Variants in GRM1 observed in about 807,000 individuals in gnomAD.
The protein encoded by GRM1 is metabotropic glutamate receptor 1.
A neutral mutation model predicts 90.9 loss-of-function variants in GRM1; 33 were observed. The observed-to-expected ratio is 0.36, with a 90% CI of 0.28 to 0.49. GRM1 has a LOEUF of 0.49. GRM1 is among the 20% of genes least tolerant of loss of function. GRM1 has a pLI of 0.99. For missense variants in GRM1, 1,190 were observed against 1,534.3 expected (o/e 0.78, Z 3.75); for synonymous variants, 700 against 613.2 (o/e 1.14, Z -2.09).
chr6:146,051,778 T>C (rs987695537), intron 1 of GRM1, among the ~76,000 whole-genome samples: 1 of 152,076 alleles, frequency 6.6e-6, no homozygotes, highest in African/African-American at 2.4e-5. Context: ...TTTCCTGAAG[T>C]TTCCTGAGAA....
chr6:146,135,311 A>G (rs1236002248), intron 1 of GRM1, among the ~76,000 whole-genome samples: 1 of 152,190 alleles, frequency 6.6e-6, no homozygotes, highest in Non-Finnish European at 1.5e-5. Flanking sequence ...CCATTCTGCA[A>G]TGCTATCTCT....
At chr6:146,071,053 T>C (rs1432369547) in intron 1 of GRM1, among the ~76,000 whole-genome samples, 3 of 152,212 alleles carry the variant, frequency 2.0e-5, no homozygotes, top group Non-Finnish European at 4.4e-5. Context: ...CTCTTCCAAA[T>C]TTGCGAGTCA....
At chr6:146,160,074 C>T in intron 2 of GRM1, among the ~76,000 whole-genome samples, 1 of 151,704 alleles carries the variant, frequency 6.6e-6, no homozygotes, top group East Asian at 1.9e-4. Flanking sequence ...TTTCTCCACA[C>T]CCAAGCCGAT....
At chr6:146,244,115 A>T (rs1443783802) in intron 2 of GRM1, among the ~76,000 whole-genome samples, 1 of 152,120 alleles carries the variant, frequency 6.6e-6, no homozygotes, top group Non-Finnish European at 1.5e-5. Context: ...TTAAACACAC[A>T]TGAGTTATGA....
At chr6:146,361,378 A>G (rs1775463819) in intron 5 of GRM1, among the ~76,000 whole-genome samples, 1 of 152,254 alleles carries the variant, frequency 6.6e-6, no homozygotes, top group Non-Finnish European at 1.5e-5. Flanking sequence ...GTCTGGGGCA[A>G]CAGATAAAAT....
chr6:146,436,806 A>C lies in GRM1; in HGVS notation c.*2010A>C, dbSNP rs1352859479. On this transcript the variant is annotated 3_prime_UTR_variant, in exon 8 of 8. Transcript: ENST00000282753. Reference sequence around the variant, plus strand: ...AGTCATATTTTAATATGCTTCCTTCATATTGAAGCTGCTGATTTCTCAGCC... The same window carrying C: ...AGTCATATTTTAATATGCTTCCTTCCTATTGAAGCTGCTGATTTCTCAGCC... The C allele has an allele frequency of 6.6e-6, 1 of 152,546 alleles. No individual in the cohort carries two copies. Among genetic ancestry groups the C allele is most frequent in the Non-Finnish European group, 1.5e-5 (1 of 68,002 alleles). The allele number at this position is 152,546 out of a possible 1,614,324, so 9.4% of individuals were successfully genotyped here.
chr6:146,057,349 G>T (rs1253611176), intron 1 of GRM1, among the ~76,000 whole-genome samples: 1 of 152,130 alleles, frequency 6.6e-6, no homozygotes, highest in East Asian at 1.9e-4. Flanking sequence ...ACTATCCCCA[G>T]TGTAGCGGAA....
intron 7 of GRM1, chr6:146,426,681 C>T: frequency 1.0e-6 from 1 of 969,150 alleles, no homozygotes; most frequent in Non-Finnish European, 1.6e-6. Flanking sequence ...TGTTTTGCCC[C>T]TTGCTTTCTC....
At chr6:146,117,908 G>A (rs1775817670) in intron 1 of GRM1, among the ~76,000 whole-genome samples, 1 of 151,840 alleles carries the variant, frequency 6.6e-6, no homozygotes, top group South Asian at 2.1e-4. Flanking sequence ...ATTTTAACAT[G>A]TAACTACTTA....
At chr6:146,146,562 T>C (rs1777114799) in intron 1 of GRM1, among the ~76,000 whole-genome samples, 1 of 152,132 alleles carries the variant, frequency 6.6e-6, no homozygotes, top group African/African-American at 2.4e-5. Flanking sequence ...GGAATGTTAT[T>C]GTTTGAACAT....
chr6:146,255,887 A>G (rs1435255167), intron 2 of GRM1, among the ~76,000 whole-genome samples: 1 of 152,026 alleles, frequency 6.6e-6, no homozygotes, highest in Non-Finnish European at 1.5e-5. Flanking sequence ...TTCACTCTTC[A>G]ATCTACTAAA....
chr6:146,351,627 G>A (rs985946637), intron 3 of GRM1, among the ~76,000 whole-genome samples: 1 of 152,132 alleles, frequency 6.6e-6, no homozygotes, highest in Non-Finnish European at 1.5e-5. Context: ...TTAATGTGTA[G>A]TGTGACTCTT....
At chr6:146,323,533 C>T (rs912047841) in intron 3 of GRM1, among the ~76,000 whole-genome samples, 3 of 152,208 alleles carry the variant, frequency 2.0e-5, no homozygotes, top group Admixed American at 6.5e-5. Flanking sequence ...TTCTCCCATT[C>T]TGTAGGTTGC....
At chr6:146,034,607 A>C (rs889718598) in intron 1 of GRM1, among the ~76,000 whole-genome samples, 3 of 151,926 alleles carry the variant, frequency 2.0e-5, no homozygotes, top group African/African-American at 7.2e-5. Context: ...TGTTTAATTT[A>C]TCTTAGTATT....
chr6:146,051,990 T>C lies in GRM1; in HGVS notation c.700+21773T>C, dbSNP rs117859321. On this transcript the variant is annotated intron_variant, in intron 1 of 7. Transcript: ENST00000282753. ...GAAACCAGATATTTGTAATGCTGCT[T>C]GTAACTTTCTCGAGAGTAGGATATA... is the stretch of plus-strand genomic sequence containing the variant. 9.7e-3 allele frequency among the ~76,000 whole-genome samples: 1,478 copies of C among 152,192 alleles called. 9 individuals are homozygous for C. The highest frequency in any genetic ancestry group is 0.019 in the Admixed American group (288 of 15,262).
chr6:146,291,500 G>A lies in GRM1; in HGVS notation c.951-13111G>A, dbSNP rs866183376. 4.0e-5 allele frequency among the ~76,000 whole-genome samples: 6 copies of A among 151,516 alleles called. No homozygotes were observed. In the Middle Eastern group the frequency reaches 0.01, roughly 258 times the overall value. On this transcript the variant is annotated intron_variant, in intron 2 of 7. Transcript: ENST00000282753. ...ACACATCTAGATCTTCTGATATTTA[G>A]GAAAATTTTTGTTATTATTCTAAGA...
chr6:146,350,472 T>C (rs1335258145), intron 3 of GRM1, among the ~76,000 whole-genome samples: 1 of 152,148 alleles, frequency 6.6e-6, no homozygotes, highest in Non-Finnish European at 1.5e-5. Context: ...TTTTGTGTTT[T>C]TTTTTTTCTT....
chr6:146,263,476 A>G lies in GRM1; in HGVS notation c.951-41135A>G, dbSNP rs952685550. ...ATATGTTATTCTTTATGCCCTTTAC[A>G]TATAAAATTCTAAGTGTATGTTCAA... On this transcript the variant is annotated intron_variant, in intron 2 of 7. Transcript: ENST00000282753. Among the ~76,000 whole-genome samples, 6 of 152,126 alleles carry G rather than the reference A, an allele frequency of 3.9e-5. No homozygotes were observed. In the East Asian group the frequency reaches 9.6e-4, roughly 24 times the overall value.
chr6:146,256,872 G>A lies in GRM1; in HGVS notation c.951-47739G>A, dbSNP rs182687187. On this transcript the variant is annotated intron_variant, in intron 2 of 7. Coordinates refer to ENST00000282753, the MANE Select transcript of GRM1 (RefSeq NM_001278064.2). ...TGCTCCCTGTTATTTACACAATTGCGTGTGGATTTCCCAGGGGTGTTCATG... is the reference window on the plus strand; with the variant it reads ...TGCTCCCTGTTATTTACACAATTGCATGTGGATTTCCCAGGGGTGTTCATG... Among the ~76,000 whole-genome samples, 9 of 152,164 alleles carry A rather than the reference G, an allele frequency of 5.9e-5. No homozygotes were observed. In the South Asian group the frequency reaches 6.2e-4, roughly 11 times the overall value.
Sources: gnomAD v4.1 joint callset for allele counts (sites outside exome capture counted in the v4.1 genomes callset) on GRCh38, gnomAD v4.1.1 for gene constraint, MANE v1.5 for transcripts, NCBI Gene and HGNC (gene_info 2026-07-23, HGNC 2026-07-21) for gene names.